The following BRD4 variants were observed in gnomAD, a reference collection of about 807,000 sequenced individuals.
The protein encoded by BRD4 is bromodomain-containing protein 4.
Under a neutral mutation model 142.1 loss-of-function variants are expected in BRD4, and 16 were observed. The ratio of observed to expected loss-of-function variants is 0.11; its 90% confidence interval spans 0.08 to 0.17. The LOEUF is 0.17. Among genes scored for constraint, BRD4 ranks in the 10% least tolerant of loss-of-function variants. BRD4 has a pLI of 1.00. For missense variants in BRD4, 1,424 were observed against 1,810.9 expected (o/e 0.79, Z 3.88); for synonymous variants, 833 against 707.5 (o/e 1.18, Z -2.82).
chr19:15,249,968 T>G (rs184928217), intron 11 of BRD4, among the ~76,000 whole-genome samples: 1 of 152,304 alleles, frequency 6.6e-6, no homozygotes, highest in African/African-American at 2.4e-5. Flanking sequence ...GAATAAAGTC[T>G]TGTCCTTTCT....
At position 15,257,115 on chromosome 19, in the gene BRD4, G is replaced by T; in HGVS notation, c.1400C>A (p.Ala467Asp). The T allele has an allele frequency of 6.2e-7, 1 of 1,609,076 alleles. No individual in the cohort carries two copies. Among genetic ancestry groups the T allele is most frequent in the Non-Finnish European group, 8.5e-7 (1 of 1,179,572 alleles). ...MPDEPEEPVVAVSSPAVPPPT... is the reference protein window; with the variant it reads ...MPDEPEEPVVDVSSPAVPPPT... ...AGGGGGCACTGCCGGGGAGGACACGGCCACCACTGGCTCCTCAGGCTCGTC... is the reference window on the plus strand; with the variant it reads ...AGGGGGCACTGCCGGGGAGGACACGTCCACCACTGGCTCCTCAGGCTCGTC... Residue 467 changes from alanine (A) to aspartate (D), a missense_variant, in exon 8 of 20, where the codon GCC (alanine) becomes GAC (aspartate). By Grantham distance (126) the Ala-to-Asp change is moderately radical (BLOSUM62 -2). Around this residue, in one of 16 missense-constraint regions of BRD4, gnomAD observed 90 missense variants for 93.2 expected, o/e 0.97. Coordinates refer to ENST00000679869, the MANE Select transcript of BRD4 (RefSeq NM_001379291.1).
At chr19:15,258,976 C>T (rs2047440996) in intron 7 of BRD4, among the ~76,000 whole-genome samples, 1 of 152,208 alleles carries the variant, frequency 6.6e-6, no homozygotes, top group Admixed American at 6.5e-5. Flanking sequence ...CAGAGGCCAT[C>T]ACCAGTTAGC....
chr19:15,284,728 T>C (rs927457604), intron 1 of BRD4, among the ~76,000 whole-genome samples: 3 of 152,098 alleles, frequency 2.0e-5, no homozygotes, highest in Non-Finnish European at 4.4e-5. Flanking sequence ...TGCTTGGAAG[T>C]AAATAGCTGT....
chr19:15,264,213 G>C, intron 6 of BRD4, 191 bp downstream of exon 6: 3 of 687,762 alleles, frequency 4.4e-6, no homozygotes, highest in Non-Finnish European at 7.0e-6. Context: ...CAATGGCCAA[G>C]CACCAGGTCT....
chr19:15,279,799 A>G (rs944807025), intron 1 of BRD4, among the ~76,000 whole-genome samples: 1 of 152,168 alleles, frequency 6.6e-6, no homozygotes, highest in Non-Finnish European at 1.5e-5. Flanking sequence ...TATACTTTGT[A>G]TTTGCAGTTC....
Position 15,268,950 on chromosome 19 carries a change from G to T in BRD4, c.378C>A (p.Ile126=), listed in dbSNP as rs1388437717. The change falls in exon 3 of 20, where the codon ATC becomes ATA. Residue 126 remains isoleucine, a synonymous_variant. Coordinates refer to ENST00000679869, the MANE Select transcript of BRD4 (RefSeq NM_001379291.1). ...TTGTAAACATAGTGTTGAAGTCCTG[G>T]ATACATTCCTGAGCATTCCAGTAAT... is the stretch of plus-strand genomic sequence containing the variant. The part of the protein sequence containing the change: ...NNYYWNAQEC[I]QDFNTMFTNC... 6.2e-7 allele frequency: 1 copy of T among 1,614,192 alleles called. No homozygotes were observed. The highest frequency in any genetic ancestry group is 2.2e-5 in the East Asian group (1 of 44,892).
At position 15,236,726 on chromosome 19, in the gene BRD4, G is replaced by C. The variant is rs542454438; in HGVS notation, c.*1651C>G. ...GGGACAGGTCACAGGAGAGGGGCTA[G>C]GTAATCCCTGGCAGTAGTTCCTGTA... On this transcript the variant is annotated 3_prime_UTR_variant, in exon 20 of 20. Transcript: ENST00000679869. 5.8e-5 allele frequency: 10 copies of C among 172,886 alleles called. No homozygotes were observed. The highest frequency in any genetic ancestry group is 1.9e-4 in the Admixed American group (3 of 15,696). The allele number at this position is 172,886 out of a possible 1,614,324, so 10.7% of individuals were successfully genotyped here. A position where few individuals can be genotyped will look rare whatever the true frequency, so the allele number is the denominator to read the frequency against.
At chr19:15,320,390 C>T (rs1476354723) in intron 1 of BRD4, among the ~76,000 whole-genome samples, 1 of 152,136 alleles carries the variant, frequency 6.6e-6, no homozygotes, top group Non-Finnish European at 1.5e-5. Flanking sequence ...TACAACTGTA[C>T]CTTTTGCAGG....
chr19:15,329,464 G>T lies in BRD4; in HGVS notation c.-35+2826C>A, dbSNP rs199875998. Among the ~76,000 whole-genome samples, 368 of 152,314 alleles carry T rather than the reference G, an allele frequency of 2.4e-3. 3 individuals carry two copies. The highest frequency in any genetic ancestry group is 4.3e-3 in the Non-Finnish European group (291 of 68,026). Reference sequence around the variant, plus strand: ...TTTGCTTTAAAAACAAAACAGGCCGGGCGCAGTGGCTCATGCCTGTAAACC... The same window carrying T: ...TTTGCTTTAAAAACAAAACAGGCCGTGCGCAGTGGCTCATGCCTGTAAACC... On this transcript the variant is annotated intron_variant, in intron 1 of 19. Transcript: ENST00000679869.
intron 2 of BRD4, among the ~76,000 whole-genome samples, chr19:15,271,667 G>A (rs1396840535): frequency 6.6e-6 from 1 of 152,102 alleles, no homozygotes; most frequent in African/African-American, 2.4e-5. Flanking sequence ...TCTCCCTCCC[G>A]CAGGCCAACA....
intron 1 of BRD4, among the ~76,000 whole-genome samples, chr19:15,299,306 T>C (rs539999049): frequency 6.6e-6 from 1 of 152,182 alleles, no homozygotes; most frequent in Non-Finnish European, 1.5e-5. Flanking sequence ...GCTGGAGAGT[T>C]CTGTAACTTT....
chr19:15,278,136 AAAAATC>A, intron 1 of BRD4, among the ~76,000 whole-genome samples: 1 of 129,690 alleles, frequency 7.7e-6, no homozygotes, highest in South Asian at 2.5e-4. Flanking sequence ...AAAAAAAAAA[AAAAATC>A]AAAATCAACA....
At chr19:15,318,686 T>C (rs1279400252) in intron 1 of BRD4, among the ~76,000 whole-genome samples, 3 of 152,218 alleles carry the variant, frequency 2.0e-5, no homozygotes, top group Non-Finnish European at 4.4e-5. Flanking sequence ...ATAATGAGGC[T>C]GGCTAGGAAC....
At chr19:15,278,927 C>T (rs1227783441) in intron 1 of BRD4, among the ~76,000 whole-genome samples, 2 of 152,106 alleles carry the variant, frequency 1.3e-5, no homozygotes, top group East Asian at 1.9e-4. Context: ...CTGTAACCTC[C>T]GCCTCCCAGG....
chr19:15,241,805 CTTTTTTTT>C (rs906788611), intron 14 of BRD4, among the ~76,000 whole-genome samples: 31 of 104,304 alleles, frequency 3.0e-4, no homozygotes, highest in East Asian at 1.9e-3. Context: ...TGGCACCTGA[CTTTTTTTT>C]TTTTTTTTTT....
intron 1 of BRD4, among the ~76,000 whole-genome samples, chr19:15,315,547 T>A (rs1045354807): frequency 6.6e-6 from 1 of 152,136 alleles, no homozygotes; most frequent in Non-Finnish European, 1.5e-5. Context: ...AACTCAATTC[T>A]ACCCTACAGT....
intron 7 of BRD4, among the ~76,000 whole-genome samples, chr19:15,257,526 C>T (rs1379597460): frequency 6.6e-6 from 1 of 152,148 alleles, no homozygotes; most frequent in Admixed American, 6.5e-5. Context: ...ATCCTCAAAC[C>T]CCAAAACAGT....
intron 8 of BRD4, 35 bp from the exon 9 acceptor site, chr19:15,256,298 C>G: frequency 6.3e-7 from 1 of 1,590,398 alleles, no homozygotes; most frequent in Non-Finnish European, 8.5e-7. Context: ...ACACTCAGGG[C>G]TGAAACCACC....
intron 10 of BRD4, 88 bp downstream of exon 10, chr19:15,255,209 C>G (rs1599450149): frequency 9.4e-6 from 11 of 1,170,116 alleles, no homozygotes; most frequent in African/African-American, 6.5e-5. Flanking sequence ...AGGGGGGGGG[C>G]GCAGAAAGAG....
Sources: gnomAD v4.1 joint callset for allele counts (sites outside exome capture counted in the v4.1 genomes callset) on GRCh38, gnomAD v4.1.1 for gene constraint, gnomAD v4.1.1 regional missense constraint, MANE v1.5 for transcripts, NCBI Gene and HGNC (gene_info 2026-07-23, HGNC 2026-07-21) for gene names.